The following ANO1 variants were observed in gnomAD, a reference collection of about 807,000 sequenced individuals.
ANO1 encodes the protein anoctamin 1.
ANO1 carries 59 observed loss-of-function variants against 124.0 expected under a neutral mutation model. The ratio of observed to expected loss-of-function variants is 0.48; its 90% CI spans 0.39 to 0.59. The LOEUF (loss-of-function observed/expected upper bound fraction) is 0.59. Ranked by LOEUF, ANO1 falls within the 20% of genes least tolerant of loss-of-function variation. The pLI, the probability that ANO1 is intolerant of heterozygous loss-of-function variation, is 0.00. For missense variants in ANO1, 1,059 were observed against 1,328.0 expected (o/e 0.80, Z 3.15); for synonymous variants, 529 against 532.0 (o/e 0.99, Z 0.08).
At chr11:70,085,704 G>A in intron 1 of ANO1, 6 of 1,446,068 alleles carry the variant, frequency 4.1e-6, no homozygotes, top group Non-Finnish European at 5.4e-6. Context: ...CCCTGGCCCA[G>A]AGCCTCCTCT....
chr11:70,181,162 G>A (rs779124506), intron 23 of ANO1, among the ~76,000 whole-genome samples: 8 of 152,294 alleles, frequency 5.3e-5, no homozygotes, highest in Middle Eastern at 3.4e-3. Context: ...CATGGCTCTC[G>A]TCCCTTCCAC....
At chr11:70,082,646 G>C (rs2135189473) in intron 1 of ANO1, among the ~76,000 whole-genome samples, 1 of 152,324 alleles carries the variant, frequency 6.6e-6, no homozygotes, top group Middle Eastern at 3.4e-3. Context: ...TACAGAAACA[G>C]AAATGTTCTG....
intron 1 of ANO1, among the ~76,000 whole-genome samples, chr11:70,001,905 G>A (rs1856388753): frequency 6.6e-6 from 1 of 151,970 alleles, no homozygotes; most frequent in Non-Finnish European, 1.5e-5. Flanking sequence ...GTTCAAGCAA[G>A]TCTCCTGCCT....
chr11:70,031,332 G>T (rs1271238904), intron 1 of ANO1, among the ~76,000 whole-genome samples: 1 of 152,172 alleles, frequency 6.6e-6, no homozygotes, highest in Non-Finnish European at 1.5e-5. Context: ...TCCTTTCATT[G>T]TTTGGGGTGA....
intron 1 of ANO1, among the ~76,000 whole-genome samples, chr11:70,055,308 T>C (rs558617007): frequency 6.6e-6 from 1 of 152,256 alleles, no homozygotes; most frequent in East Asian, 1.9e-4. Flanking sequence ...ACAATCACAA[T>C]TAATGGTTTA....
At position 70,188,554 on chromosome 11, in the gene ANO1, G is replaced by A. The variant is rs1463442935; in HGVS notation, c.*550G>A. 6.5e-6 allele frequency: 1 copy of A among 154,658 alleles called. No homozygotes were observed. The highest frequency in any genetic ancestry group is 1.4e-5 in the Non-Finnish European group (1 of 69,754). 9.6% of individuals were successfully genotyped at this position (154,658 alleles called of 1,614,324 possible). On this transcript the variant is annotated 3_prime_UTR_variant, in exon 26 of 26. Coordinates refer to ENST00000355303, the MANE Select transcript of ANO1 (RefSeq NM_018043.7). ...GCCTTTTCCTTCCATCAGTTGAGTG[G>A]CTGAGAGAGAAGTGCCTCATCCCTG...
rs749204021 is a variant in ANO1 at position 70,163,355 on chromosome 11, A to G, written c.1950+15A>G. Reference sequence around the variant, plus strand: ...GAATGGAAGAGGTAACCGAAATTTTATTCATCTCTGGCAGCCCCTTCTGTC... The same window carrying G: ...GAATGGAAGAGGTAACCGAAATTTTGTTCATCTCTGGCAGCCCCTTCTGTC... On this transcript the variant is annotated intron_variant, in intron 19 of 25. Coordinates refer to ENST00000355303, the MANE Select transcript of ANO1 (RefSeq NM_018043.7). 10 of 1,613,678 alleles carry G rather than the reference A, an allele frequency of 6.2e-6. No homozygotes were observed. The highest frequency in any genetic ancestry group is 8.5e-6 in the Non-Finnish European group (10 of 1,179,800).
intron 24 of ANO1, 102 bp from the exon 25 acceptor site, chr11:70,185,488 C>T: frequency 9.2e-7 from 1 of 1,085,236 alleles, no homozygotes; most frequent in Non-Finnish European, 1.3e-6. Flanking sequence ...CAGCCGCACA[C>T]CAAGCTGAGC....
chr11:70,121,399 GTCTC>G (rs1214499891), intron 8 of ANO1, among the ~76,000 whole-genome samples: 1 of 99,832 alleles, frequency 1.0e-5, no homozygotes, highest in African/African-American at 4.0e-5. Flanking sequence ...CTCTGTCTCT[GTCTC>G]TCTCCCTGTC....
At chr11:70,035,170 C>T (rs1555004236) in intron 1 of ANO1, among the ~76,000 whole-genome samples, 3 of 152,128 alleles carry the variant, frequency 2.0e-5, no homozygotes, top group African/African-American at 4.8e-5. Flanking sequence ...TCCAGCCAGC[C>T]GAGAGCTATG....
chr11:70,069,511 T>C (rs544902259), intron 1 of ANO1, among the ~76,000 whole-genome samples: 148 of 152,336 alleles, frequency 9.7e-4, no homozygotes, highest in African/African-American at 3.5e-3. Context: ...ACACAGAGGA[T>C]CTGGGCTGTG....
At chr11:70,026,240 G>T (rs1339409974) in intron 1 of ANO1, among the ~76,000 whole-genome samples, 1 of 138,742 alleles carries the variant, frequency 7.2e-6, no homozygotes, top group African/African-American at 2.6e-5. Context: ...AATGATGGTG[G>T]TGGTGATGAC....
chr11:70,151,487 T>G (rs1339750121), intron 12 of ANO1, among the ~76,000 whole-genome samples: 1 of 152,204 alleles, frequency 6.6e-6, no homozygotes, highest in Non-Finnish European at 1.5e-5. Flanking sequence ...ACCATCTTGT[T>G]CAGAAGTCAA....
chr11:70,187,425 C>G (rs1358369681), intron 25 of ANO1, among the ~76,000 whole-genome samples: 2 of 152,150 alleles, frequency 1.3e-5, no homozygotes, highest in African/African-American at 4.8e-5. Context: ...AGGCTCGATG[C>G]TCGTTAGATT....
intron 1 of ANO1, among the ~76,000 whole-genome samples, chr11:70,044,057 G>A (rs1246322588): frequency 1.3e-5 from 2 of 151,960 alleles, no homozygotes; most frequent in Non-Finnish European, 2.9e-5. Flanking sequence ...AAAGGAAGGA[G>A]AGAAATGGAA....
chr11:70,081,236 A>AT (rs2044191658), intron 1 of ANO1, among the ~76,000 whole-genome samples: 1 of 152,178 alleles, frequency 6.6e-6, no homozygotes, highest in Non-Finnish European at 1.5e-5. Flanking sequence ...ATTTGTTTCC[A>AT]TTTCCCTCTG....
intron 1 of ANO1, among the ~76,000 whole-genome samples, chr11:70,023,871 G>C (rs1555002886): frequency 1.3e-5 from 2 of 152,220 alleles, no homozygotes; most frequent in African/African-American, 4.8e-5. Context: ...TAGTTGCTCT[G>C]TGCTTTACAT....
intron 11 of ANO1, among the ~76,000 whole-genome samples, chr11:70,134,726 T>C (rs961741670): frequency 3.9e-5 from 6 of 152,126 alleles, no homozygotes; most frequent in African/African-American, 1.4e-4. Flanking sequence ...CATCGGCCCA[T>C]GTGTACTGAG....
At chr11:70,144,248 G>A (rs1294606692) in intron 11 of ANO1, among the ~76,000 whole-genome samples, 1 of 152,186 alleles carries the variant, frequency 6.6e-6, no homozygotes, top group Non-Finnish European at 1.5e-5. Flanking sequence ...AGATCCCTGC[G>A]ACCGAGCTGG....
Sources: allele counts gnomAD v4.1 joint callset (sites outside exome capture counted in the v4.1 genomes callset), GRCh38; gene constraint gnomAD v4.1.1; transcripts MANE v1.5; gene names NCBI Gene and HGNC (gene_info 2026-07-23, HGNC 2026-07-21).